The following SYNE1 variants were observed in gnomAD, a reference collection of about 807,000 sequenced individuals.
SYNE1 encodes the protein nesprin-1.
Under a neutral mutation model 1,111.0 loss-of-function variants are expected in SYNE1, and 616 were observed. The observed-to-expected ratio is 0.55, with a 90% CI of 0.52 to 0.59. The LOEUF (loss-of-function observed/expected upper bound fraction) is 0.59, where lower values mean the gene tolerates loss of function less well. SYNE1 is among the 20% of genes least tolerant of loss of function. The probability of loss-of-function intolerance (pLI) is 0.00; values close to 1 mark genes in which losing one functional copy is unlikely to be tolerated. For synonymous variants in SYNE1, 3,855 were observed against 3,825.8 expected, an observed-to-expected ratio of 1.01 and a Z score of -0.28; for missense variants, 10,006 against 10,417.0, an observed-to-expected ratio of 0.96 and a Z score of 1.72.
chr6:152,531,021 C>A (rs2099197063), intron 4 of SYNE1, among the ~76,000 whole-genome samples: 1 of 151,976 alleles, frequency 6.6e-6, no homozygotes, highest in South Asian at 2.1e-4. Context: ...CTGCTTGTCA[C>A]TTCATAGTTG....
chr6:152,386,905 C>T (rs2097534437), intron 54 of SYNE1, among the ~76,000 whole-genome samples, 167 bp downstream of exon 54: 1 of 152,112 alleles, frequency 6.6e-6, no homozygotes, highest in Non-Finnish European at 1.5e-5. Context: ...TTATGTCATA[C>T]CCATTTACTG....
intron 3 of SYNE1, among the ~76,000 whole-genome samples, chr6:152,556,973 TG>T (rs1406005491): frequency 6.6e-6 from 1 of 152,054 alleles, no homozygotes; most frequent in African/African-American, 2.4e-5. Context: ...TGGATATCTA[TG>T]AACTGCTTGA....
chr6:152,186,073 T>C (rs974702089), intron 128 of SYNE1, among the ~76,000 whole-genome samples: 6 of 152,144 alleles, frequency 3.9e-5, no homozygotes, highest in Non-Finnish European at 7.4e-5. Flanking sequence ...AGAAATGGTC[T>C]TTGCATATCA....
rs1336419216 is a variant in SYNE1, at chr6:152,316,835, T to C, written c.16710+14A>G. The C allele has an allele frequency of 5.0e-6, 8 of 1,613,896 alleles. No individual in the cohort carries two copies. The highest frequency in any genetic ancestry group is 8.5e-7 in the Non-Finnish European group (1 of 1,179,986). ...CCTTGGTTACTTTTTAAAGATTATT[T>C]TTCCTAAGGTTACCTGATGCAAAAT... On this transcript the variant is annotated intron_variant, in intron 87 of 145. Transcript: ENST00000367255.
intron 47 of SYNE1, among the ~76,000 whole-genome samples, chr6:152,400,222 A>T (rs371352659): frequency 6.6e-5 from 8 of 121,890 alleles, no homozygotes; most frequent in South Asian, 2.3e-4. Flanking sequence ...TAGTTAATTT[A>T]AAAAAAAAAA....
rs2095096488 is a variant in SYNE1 at position 152,300,194 on chromosome 6, G to T, written c.17682+447C>A. On this transcript the variant is annotated intron_variant, in intron 93 of 145. Coordinates refer to ENST00000367255, the MANE Select transcript of SYNE1 (RefSeq NM_182961.4). ...CATTGGTACACAAGTTGCAAATAAAGAAGAAGTCTGACATAATAAATGGAA... is the reference window on the plus strand; with the variant it reads ...CATTGGTACACAAGTTGCAAATAAATAAGAAGTCTGACATAATAAATGGAA... Among the ~76,000 whole-genome samples, 6 of 152,118 alleles carry T rather than the reference G, an allele frequency of 3.9e-5. 1 individual carries two copies. The South Asian group carries it at 1.2e-3, about 31-fold the overall frequency.
chr6:152,310,683 T>C lies in SYNE1; in HGVS notation c.16896+5A>G, dbSNP rs1480698604. The stretch of plus-strand genomic sequence containing the variant: ...TTTCTGTTTCTTTTTTTTTTCTTTT[T>C]TTACCTTAGCTGCATCTTGGAGGTT... On this transcript the variant is annotated splice_donor_5th_base_variant and intron_variant, in intron 88 of 145. Transcript: ENST00000367255. 1.2e-6 allele frequency: 2 copies of C among 1,613,156 alleles called. No individual in the cohort carries two copies. The highest frequency in any genetic ancestry group is 1.7e-6 in the Non-Finnish European group (2 of 1,179,790).
intron 2 of SYNE1, among the ~76,000 whole-genome samples, chr6:152,629,512 G>T (rs9479366): frequency 0.039 from 3,577 of 92,518 alleles, 285 homozygotes; most frequent in African/African-American, 0.15. Flanking sequence ...GGCTGGTTAA[G>T]TTTCATTGCC....
intron 98 of SYNE1, among the ~76,000 whole-genome samples, chr6:152,272,600 C>T (rs2093295471): frequency 6.6e-6 from 1 of 152,036 alleles, no homozygotes; most frequent in African/African-American, 2.4e-5. Context: ...TACTACATGC[C>T]CTTAAGATCT....
At position 152,236,248 on chromosome 6, in the gene SYNE1, T is replaced by C. The variant is rs1369753676; in HGVS notation, c.20255A>G (p.Asp6752Gly). Residue 6752 changes from aspartate (D) to glycine (G), a missense_variant, in exon 110 of 146, where the codon GAT becomes GGT. Transcript: ENST00000367255. ...GATGGATATCAGAAGTCGTTTCCCA[T>C]CATCTAATACTTGATATAATTTGGG... ...YQPKLYQVLD[D>G]GKRLLISISC... 1.9e-5 allele frequency: 30 copies of C among 1,614,140 alleles called. No homozygotes were observed. The highest frequency in any genetic ancestry group is 2.3e-5 in the Non-Finnish European group (27 of 1,179,996).
In SYNE1 at chr6:152,326,071, C is replaced by T. The variant is rs772692779; in HGVS notation, c.15325G>A (p.Ala5109Thr). The change falls in exon 80 of 146, where the codon GCA becomes ACA. Residue 5109 changes from alanine (A) to threonine (T), a missense_variant. Around this residue, in one of 7 missense-constraint regions of SYNE1, gnomAD observed 4,955 missense variants for 5,017.2 expected, o/e 0.99. Transcript: ENST00000367255. ...CTAQWHDYQK[A>T]REEVIELMND... is the part of the protein sequence containing the mutation. ...ATCAATTCAATAACCTCTTCCCTTG[C>T]TTTCTGGTAATCGTGCCATTGAGCT... The T allele has an allele frequency of 6.2e-7, 1 of 1,614,098 alleles. No homozygotes were observed. The highest frequency in any genetic ancestry group is 8.5e-7 in the Non-Finnish European group (1 of 1,180,034).
At chr6:152,601,960 G>A (rs942970026) in intron 3 of SYNE1, among the ~76,000 whole-genome samples, 1 of 152,084 alleles carries the variant, frequency 6.6e-6, no homozygotes, top group African/African-American at 2.4e-5. Flanking sequence ...TGTCCTGGAT[G>A]GTCTTGCCCC....
intron 20 of SYNE1, chr6:152,462,532 C>A (rs532516556): frequency 8.5e-5 from 52 of 613,360 alleles, no homozygotes; most frequent in Non-Finnish European, 1.2e-4. Flanking sequence ...AACTGAGAAA[C>A]AATTTGAAGT....
At chr6:152,377,437 C>G (rs1171780638) in intron 56 of SYNE1, among the ~76,000 whole-genome samples, 2 of 150,242 alleles carry the variant, frequency 1.3e-5, no homozygotes, top group Middle Eastern at 3.2e-3. Context: ...TGGTGAACCC[C>G]ATCTCTACTG....
chr6:152,307,347 GCA>G (rs2095412055), intron 91 of SYNE1, among the ~76,000 whole-genome samples: 1 of 152,154 alleles, frequency 6.6e-6, no homozygotes, highest in Non-Finnish European at 1.5e-5. Flanking sequence ...TCCTTACAAA[GCA>G]ATACCTTGAA....
chr6:152,628,190 C>T (rs375787301), intron 3 of SYNE1, 75 bp downstream of exon 3: 21 of 1,529,292 alleles, frequency 1.4e-5, no homozygotes, highest in East Asian at 1.3e-4. Flanking sequence ...TGAGTAAAAC[C>T]CCAAACAAAT....
intron 74 of SYNE1, among the ~76,000 whole-genome samples, chr6:152,340,291 C>T (rs1321080182): frequency 6.6e-6 from 1 of 152,110 alleles, no homozygotes; most frequent in Non-Finnish European, 1.5e-5. Context: ...CAGGTGTGAG[C>T]AGAGGTCGGA....
At chr6:152,229,289 G>T (rs941536786) in intron 115 of SYNE1, among the ~76,000 whole-genome samples, 1 of 152,134 alleles carries the variant, frequency 6.6e-6, no homozygotes, top group Admixed American at 6.6e-5. Context: ...ATGAATTCAT[G>T]AATTATTTTC....
intron 3 of SYNE1, among the ~76,000 whole-genome samples, chr6:152,592,340 T>C (rs1343619681): frequency 1.3e-5 from 2 of 152,104 alleles, no homozygotes. Flanking sequence ...GTAGACTGGA[T>C]GGAGAAAATG....
Sources: gnomAD v4.1 joint callset for allele counts (sites outside exome capture counted in the v4.1 genomes callset) on GRCh38, gnomAD v4.1.1 for gene constraint, gnomAD v4.1.1 regional missense constraint, MANE v1.5 for transcripts, NCBI Gene and HGNC (gene_info 2026-07-23, HGNC 2026-07-21) for gene names.